GARIN1A: variants seen among roughly 807,000 people sequenced by gnomAD.
The protein encoded by GARIN1A is Golgi-associated RAB2 interactor protein 1A.
chr7:128,699,536 G>A, the GARIN1A span, among the ~76,000 whole-genome samples: 2 of 152,046 alleles, frequency 1.3e-5, no homozygotes, highest in African/African-American at 4.8e-5. Context: ...GTGATTTTTC[G>A]TTTGATTTAT....
At chr7:128,681,477 C>CCTCCTTTCCTCTGCTCTCCT in the GARIN1A span, among the ~76,000 whole-genome samples, 14 of 128,968 alleles carry the variant, frequency 1.1e-4, no homozygotes, top group Non-Finnish European at 2.0e-4. Context: ...CCTCTCCTCT[C>CCTCCTTTCCTCTGCTCTCCT]CTCCTTTCCT....
chr7:128,679,436 C>A, the GARIN1A span, among the ~76,000 whole-genome samples: 6 of 152,138 alleles, frequency 3.9e-5, no homozygotes, highest in African/African-American at 7.2e-5. Context: ...CGTGATCCAA[C>A]CACCTTGGCC....
chr7:128,686,302 G>C, the GARIN1A span: 1 of 152,112 alleles, frequency 6.6e-6, no homozygotes, highest in Non-Finnish European at 1.5e-5. Flanking sequence ...TTAGAAATTT[G>C]CTATCTTCTA....
At chr7:128,697,128 C>G in the GARIN1A span, among the ~76,000 whole-genome samples, 1 of 152,104 alleles carries the variant, frequency 6.6e-6, no homozygotes, top group Non-Finnish European at 1.5e-5. Flanking sequence ...GGGTTCAGAT[C>G]CCCTACACAA....
At chr7:128,699,079 A>G in the GARIN1A span, among the ~76,000 whole-genome samples, 38 of 152,242 alleles carry the variant, frequency 2.5e-4, no homozygotes, top group African/African-American at 7.9e-4. Context: ...TCAAGTCCTT[A>G]TAGTCATCTC....
the GARIN1A span, among the ~76,000 whole-genome samples, chr7:128,671,645 CAAAAAA>C: frequency 8.3e-6 from 1 of 120,236 alleles, no homozygotes; most frequent in Non-Finnish European, 1.8e-5. Context: ...AACTCTGTCT[CAAAAAA>C]AAAAAAAAAA....
the GARIN1A span, chr7:128,675,544 C>A: frequency 2.3e-6 from 2 of 860,216 alleles, no homozygotes; most frequent in Non-Finnish European, 3.7e-6. Context: ...TGAAAAGGAT[C>A]AATAGCAGGT....
At chr7:128,701,129 C>T in the GARIN1A span, among the ~76,000 whole-genome samples, 1 of 151,350 alleles carries the variant, frequency 6.6e-6, no homozygotes, top group Admixed American at 6.6e-5. Context: ...GGAGAGTAAA[C>T]TGAGTGTATT....
the GARIN1A span, among the ~76,000 whole-genome samples, chr7:128,707,292 A>G: frequency 1.3e-5 from 2 of 150,786 alleles, no homozygotes; most frequent in Admixed American, 6.6e-5. Context: ...GGAAATTTTA[A>G]CTATATAGTA....
the GARIN1A span, among the ~76,000 whole-genome samples, chr7:128,703,255 A>T: frequency 7.4e-3 from 1,121 of 152,360 alleles, 10 homozygotes; most frequent in Middle Eastern, 0.027. Context: ...CTTTTCAGGT[A>T]CACATGGAAT....
At chr7:128,704,186 G>A in the GARIN1A span, among the ~76,000 whole-genome samples, 5 of 125,914 alleles carry the variant, frequency 4.0e-5, no homozygotes, top group African/African-American at 6.0e-5. Context: ...TTGGCACCAG[G>A]AACTGGTTTC....
At chr7:128,694,557 GAAA>G in the GARIN1A span, among the ~76,000 whole-genome samples, 1 of 137,978 alleles carries the variant, frequency 7.2e-6, no homozygotes, top group Admixed American at 7.4e-5. Flanking sequence ...AAGAAAGAAA[GAAA>G]AAAACCAGCA....
the GARIN1A span, chr7:128,672,409 C>T: frequency 3.1e-6 from 5 of 1,606,930 alleles, no homozygotes; most frequent in South Asian, 5.6e-5. Context: ...TGAGTAAAAT[C>T]AGGGGCCTCC....
the GARIN1A span, chr7:128,683,114 A>G: frequency 1.2e-6 from 2 of 1,612,704 alleles, no homozygotes; most frequent in Non-Finnish European, 1.7e-6. Flanking sequence ...ACCTTCTACA[A>G]GTTCATATAG....
chr7:128,694,750 G>A, the GARIN1A span, among the ~76,000 whole-genome samples: 1 of 152,230 alleles, frequency 6.6e-6, no homozygotes, highest in Admixed American at 6.5e-5. Flanking sequence ...CACAGGAAAA[G>A]GGTTTGTGGA....
chr7:128,683,111 A>G, the GARIN1A span: 19 of 1,612,680 alleles, frequency 1.2e-5, no homozygotes, highest in East Asian at 1.1e-4. Flanking sequence ...AGCACCTTCT[A>G]CAAGTTCATA....
the GARIN1A span, among the ~76,000 whole-genome samples, chr7:128,692,759 G>T: frequency 6.6e-6 from 1 of 152,196 alleles, no homozygotes; most frequent in African/African-American, 2.4e-5. Context: ...TGTTGTAGGT[G>T]AGGCAGCCGG....
the GARIN1A span, chr7:128,684,490 C>G: frequency 4.6e-5 from 7 of 152,056 alleles, no homozygotes; most frequent in Admixed American, 1.3e-4. Flanking sequence ...GTGGTGCACA[C>G]CTGTAGTCCC....
chr7:128,694,910 G>C, the GARIN1A span, among the ~76,000 whole-genome samples: 1 of 152,190 alleles, frequency 6.6e-6, no homozygotes, highest in Non-Finnish European at 1.5e-5. Context: ...ACTGAAATTT[G>C]CTTTGCTCAG....
Sources: gnomAD v4.1 joint callset for allele counts (sites outside exome capture counted in the v4.1 genomes callset) on GRCh38, gnomAD v4.1.1 for gene constraint, MANE v1.5 for transcripts, NCBI Gene and HGNC (gene_info 2026-07-23, HGNC 2026-07-21) for gene names.